The following MYO3B variants were observed in gnomAD, a reference collection of about 807,000 sequenced individuals.
MYO3B encodes myosin-IIIb.
MYO3B carries 156 observed loss-of-function variants against 174.6 expected under a neutral mutation model. The observed-to-expected ratio is 0.89, with a 90% CI of 0.78 to 1.02. The LOEUF (loss-of-function observed/expected upper bound fraction) is 1.02. Among genes scored for constraint, MYO3B ranks in the 50% least tolerant of loss-of-function variants. MYO3B has a pLI of 0.00. For missense variants in MYO3B, 1,632 were observed against 1,639.4 expected, an observed-to-expected ratio of 1.00 and a Z score of 0.08; for synonymous variants, 563 against 569.1, an observed-to-expected ratio of 0.99 and a Z score of 0.15.
intron 7 of MYO3B, among the ~76,000 whole-genome samples, chr2:170,296,100 T>G: frequency 6.6e-6 from 1 of 152,200 alleles, no homozygotes; most frequent in East Asian, 1.9e-4. Context: ...TTAAGAACAC[T>G]TGTAATAGGG....
intron 32 of MYO3B, among the ~76,000 whole-genome samples, chr2:170,627,653 T>C (rs1291129040): frequency 6.6e-6 from 1 of 152,246 alleles, no homozygotes; most frequent in Non-Finnish European, 1.5e-5. Context: ...TCTGTTTTTC[T>C]GTTCTGTTTT....
intron 32 of MYO3B, among the ~76,000 whole-genome samples, chr2:170,628,132 C>G (rs1036812534): frequency 1.3e-5 from 2 of 152,200 alleles, no homozygotes; most frequent in Non-Finnish European, 2.9e-5. Context: ...TTGGCTATGA[C>G]CTGCCTCCAG....
intron 21 of MYO3B, among the ~76,000 whole-genome samples, chr2:170,407,305 C>CA (rs1157615855): frequency 1.3e-5 from 2 of 151,852 alleles, no homozygotes; most frequent in East Asian, 3.9e-4. Flanking sequence ...GCTAAAAATA[C>CA]AAAAAATTAT....
intron 32 of MYO3B, chr2:170,602,138 GCTT>G (rs1272696058): frequency 3.2e-6 from 4 of 1,247,792 alleles, no homozygotes; most frequent in Non-Finnish European, 4.7e-6. Flanking sequence ...GCATCTGGGT[GCTT>G]CTTCTTACAC....
intron 3 of MYO3B, among the ~76,000 whole-genome samples, chr2:170,202,915 T>C (rs2092677848): frequency 6.6e-6 from 1 of 152,192 alleles, no homozygotes; most frequent in South Asian, 2.1e-4. Context: ...TTCTAGAGGA[T>C]AGAAAAATGT....
chr2:170,369,540 A>C (rs938620774), intron 9 of MYO3B, among the ~76,000 whole-genome samples, 163 bp downstream of exon 9: 7 of 152,348 alleles, frequency 4.6e-5, no homozygotes, highest in African/African-American at 1.7e-4. Context: ...GGATGAGAGC[A>C]GGAGAACTTC....
At chr2:170,395,741 A>C (rs2094439265) in intron 16 of MYO3B, among the ~76,000 whole-genome samples, 1 of 152,094 alleles carries the variant, frequency 6.6e-6, no homozygotes, top group Non-Finnish European at 1.5e-5. Context: ...CTGATGAAAA[A>C]CTGACGAGAT....
intron 16 of MYO3B, among the ~76,000 whole-genome samples, chr2:170,393,208 C>G (rs546922248): frequency 2.0e-5 from 3 of 151,694 alleles, no homozygotes; most frequent in Non-Finnish European, 4.4e-5. Context: ...TTCAGCCTCC[C>G]GAGTAGCTGG....
At chr2:170,588,806 A>G (rs1178902676) in intron 32 of MYO3B, among the ~76,000 whole-genome samples, 1 of 152,254 alleles carries the variant, frequency 6.6e-6, no homozygotes, top group Non-Finnish European at 1.5e-5. Context: ...TGGAAGGATT[A>G]TAACATCTAT....
intron 6 of MYO3B, among the ~76,000 whole-genome samples, chr2:170,235,273 G>C (rs1248371399): frequency 6.6e-6 from 1 of 152,222 alleles, no homozygotes; most frequent in Non-Finnish European, 1.5e-5. Flanking sequence ...AGTCATCAGA[G>C]TCTGAGTGTA....
At chr2:170,384,934 T>C (rs905343386) in intron 12 of MYO3B, among the ~76,000 whole-genome samples, 7 of 152,206 alleles carry the variant, frequency 4.6e-5, no homozygotes, top group African/African-American at 1.4e-4. Flanking sequence ...CCTAGGCTTC[T>C]CACACATCTG....
intron 30 of MYO3B, among the ~76,000 whole-genome samples, chr2:170,526,174 A>T (rs1688985620): frequency 6.6e-6 from 1 of 152,190 alleles, no homozygotes; most frequent in South Asian, 2.1e-4. Flanking sequence ...ACATTGGACA[A>T]GTTCCTTCCT....
At chr2:170,310,777 G>A (rs1478805938) in intron 7 of MYO3B, among the ~76,000 whole-genome samples, 1 of 151,706 alleles carries the variant, frequency 6.6e-6, no homozygotes, top group Non-Finnish European at 1.5e-5. Context: ...TTTTCTGGTT[G>A]AATATGTCTA....
intron 25 of MYO3B, among the ~76,000 whole-genome samples, chr2:170,476,264 G>C (rs1487045561): frequency 2.6e-5 from 4 of 152,184 alleles, no homozygotes; most frequent in Admixed American, 6.5e-5. Flanking sequence ...GCCCAAGTGG[G>C]CATGTTACAG....
At chr2:170,301,093 C>G (rs906882815) in intron 7 of MYO3B, among the ~76,000 whole-genome samples, 2 of 152,192 alleles carry the variant, frequency 1.3e-5, no homozygotes, top group African/African-American at 4.8e-5. Flanking sequence ...GGGAATTGGA[C>G]TCTAACTGGG....
intron 32 of MYO3B, among the ~76,000 whole-genome samples, chr2:170,636,347 A>G (rs1697471421): frequency 6.6e-6 from 1 of 152,142 alleles, no homozygotes; most frequent in Admixed American, 6.5e-5. Flanking sequence ...CACGCTGGAA[A>G]TAACATAACT....
intron 7 of MYO3B, among the ~76,000 whole-genome samples, chr2:170,241,462 C>T (rs1036059163): frequency 3.3e-5 from 5 of 152,196 alleles, no homozygotes; most frequent in African/African-American, 1.2e-4. Context: ...CCCTTGTCCT[C>T]TACCCTAGGA....
intron 9 of MYO3B, among the ~76,000 whole-genome samples, chr2:170,373,113 G>A (rs1026688086): frequency 6.6e-6 from 1 of 152,168 alleles, no homozygotes. Context: ...CAGGGAACTA[G>A]TGAGCAGATC....
chr2:170,451,157 A>C (rs1028674040), intron 23 of MYO3B, among the ~76,000 whole-genome samples: 1 of 152,232 alleles, frequency 6.6e-6, no homozygotes, highest in Non-Finnish European at 1.5e-5. Context: ...TATACCTTGC[A>C]ACCTTGCATG....
Sources: allele counts gnomAD v4.1 joint callset (sites outside exome capture counted in the v4.1 genomes callset), GRCh38; gene constraint gnomAD v4.1.1; transcripts MANE v1.5; gene names NCBI Gene and HGNC (gene_info 2026-07-23, HGNC 2026-07-21).